The following RALB variants were observed in gnomAD, a reference collection of about 807,000 sequenced individuals.
The protein encoded by RALB is RAS like proto-oncogene B.
Under a neutral mutation model 21.3 loss-of-function variants are expected in RALB, and 16 were observed. That is an observed-to-expected ratio of 0.75 (90% CI 0.51 to 1.14). RALB has a LOEUF of 1.14. RALB is among the 50% of genes most tolerant of loss of function. RALB has a pLI of 0.00. For synonymous variants in RALB, 93 were observed against 96.1 expected (o/e 0.97, Z 0.19); for missense variants, 161 against 256.2 (o/e 0.63, Z 2.54).
intron 3 of RALB, among the ~76,000 whole-genome samples, chr2:120,288,930 A>G (rs571990799): frequency 6.6e-6 from 1 of 152,342 alleles, no homozygotes; most frequent in African/African-American, 2.4e-5. Context: ...TCGTGTACAC[A>G]TGCAGATCTA....
chr2:120,263,365 C>G (rs1689420747), intron 1 of RALB, among the ~76,000 whole-genome samples: 1 of 151,996 alleles, frequency 6.6e-6, no homozygotes, highest in African/African-American at 2.4e-5. Context: ...TGCCACGTTG[C>G]CCAGGCTGGT....
At chr2:120,253,481 AGTT>A (rs1333163141) in intron 1 of RALB, 8 of 985,650 alleles carry the variant, frequency 8.1e-6, no homozygotes, top group Non-Finnish European at 9.6e-6. Context: ...ATGAGCATAA[AGTT>A]GTTTCTCCCC....
At chr2:120,259,172 G>A (rs1689278909) in intron 1 of RALB, among the ~76,000 whole-genome samples, 1 of 152,212 alleles carries the variant, frequency 6.6e-6, no homozygotes, top group Non-Finnish European at 1.5e-5. Context: ...TTATTGCAAA[G>A]AGTGAAAGAA....
At chr2:120,245,132 TTGAC>T (rs1260912212) in intron 1 of RALB, among the ~76,000 whole-genome samples, 1 of 152,242 alleles carries the variant, frequency 6.6e-6, no homozygotes, top group Non-Finnish European at 1.5e-5. Flanking sequence ...CATGGGCTCG[TTGAC>T]TGACTGTCAC....
At chr2:120,252,598 G>GC (rs1689077904), upstream of RALB, among the ~76,000 whole-genome samples, 1 of 152,260 alleles carries the variant, frequency 6.6e-6, no homozygotes, top group South Asian at 2.1e-4. Context: ...GTTACCAGCT[G>GC]CGTGTCCGAG....
intron 2 of RALB, among the ~76,000 whole-genome samples, chr2:120,280,601 G>T (rs868019577): frequency 6.6e-6 from 1 of 151,998 alleles, no homozygotes; most frequent in Non-Finnish European, 1.5e-5. Context: ...CCTAATGCAT[G>T]TGGGGCTTAA....
intron 1 of RALB, among the ~76,000 whole-genome samples, chr2:120,274,200 T>G (rs1010779131): frequency 8.5e-5 from 13 of 152,296 alleles, no homozygotes; most frequent in Non-Finnish European, 1.5e-4. Context: ...GGAAACAGTG[T>G]GGACCAGAAA....
At chr2:120,293,115 T>G in intron 4 of RALB, 26 bp from the exon 5 acceptor site, 8 of 1,571,014 alleles carry the variant, frequency 5.1e-6, no homozygotes, top group Non-Finnish European at 6.9e-6. Flanking sequence ...TCACTATTCT[T>G]TTTACTCTTT....
At chr2:120,289,491 A>T (rs1393745246) in intron 3 of RALB, 89 bp from the exon 4 acceptor site, 5 of 1,333,624 alleles carry the variant, frequency 3.7e-6, no homozygotes, top group Non-Finnish European at 5.3e-6. Context: ...CTTCTGCCTT[A>T]GGAAAGCCTT....
chr2:120,259,059 G>T (rs1394175323), intron 1 of RALB, among the ~76,000 whole-genome samples: 2 of 152,086 alleles, frequency 1.3e-5, no homozygotes, highest in Admixed American at 1.3e-4. Flanking sequence ...CTCCCGGTGG[G>T]CTCGTGGTCT....
At chr2:120,287,611 G>A (rs1023681781) in intron 3 of RALB, among the ~76,000 whole-genome samples, 1 of 152,200 alleles carries the variant, frequency 6.6e-6, no homozygotes, top group Non-Finnish European at 1.5e-5. Flanking sequence ...GGGCAGGAGA[G>A]TTCTCTGCAG....
At chr2:120,255,343 TCTTC>T (rs1177737121) in intron 1 of RALB, among the ~76,000 whole-genome samples, 2 of 152,132 alleles carry the variant, frequency 1.3e-5, no homozygotes, top group Non-Finnish European at 2.9e-5. Context: ...GAAAAGGAAC[TCTTC>T]CTTCATCACA....
At chr2:120,242,793 T>A (rs1435275912) in intron 1 of RALB, among the ~76,000 whole-genome samples, 1 of 151,916 alleles carries the variant, frequency 6.6e-6, no homozygotes, top group East Asian at 1.9e-4. Context: ...AAAAATAAAG[T>A]GGCCTGGTGT....
chr2:120,277,226 A>G (rs929950472), intron 1 of RALB, among the ~76,000 whole-genome samples: 1 of 152,152 alleles, frequency 6.6e-6, no homozygotes, highest in Non-Finnish European at 1.5e-5. Context: ...TAAGAGTGTG[A>G]GAGCATATGT....
At position 120,280,040 on chromosome 2, in the gene RALB, A is replaced by G. The variant is rs568864894; in HGVS notation, c.114+1262A>G. Among the ~76,000 whole-genome samples the G allele has an allele frequency of 9.2e-5, 14 of 152,280 alleles. No individual in the cohort carries two copies. In the East Asian group the frequency reaches 1.7e-3, roughly 19 times the overall value. On this transcript the variant is annotated intron_variant, in intron 2 of 4. Coordinates refer to ENST00000272519, the MANE Select transcript of RALB (RefSeq NM_002881.3). The stretch of plus-strand genomic sequence containing the variant: ...CCGCCCACTGTGCTGACGTGCGAAC[A>G]TCGTGATGTGAGGTGCAGGGCCAGG...
intron 1 of RALB, among the ~76,000 whole-genome samples, chr2:120,246,105 G>C (rs1303665640): frequency 6.6e-6 from 1 of 152,222 alleles, no homozygotes; most frequent in African/African-American, 2.4e-5. Flanking sequence ...ATGCGGGGAA[G>C]GAATGGGGCT....
upstream of RALB, chr2:120,252,659 C>T (rs1295281274): frequency 2.2e-6 from 1 of 447,798 alleles, no homozygotes; most frequent in African/African-American, 2.1e-5. Context: ...GGGCCCGCCC[C>T]CCCGTGCCTG....
chr2:120,282,973 C>A lies in RALB; in HGVS notation c.115-2901C>A, dbSNP rs185154956. Among the ~76,000 whole-genome samples the A allele has an allele frequency of 6.9e-4, 105 of 151,932 alleles. 1 individual carries two copies. Among genetic ancestry groups the A allele is most frequent in the African/African-American group, 2.5e-3 (102 of 41,406 alleles). On this transcript the variant is annotated intron_variant, in intron 2 of 4. Coordinates refer to ENST00000272519, the MANE Select transcript of RALB (RefSeq NM_002881.3). ...ATTTTTTAGCTCGAAGAGACCTTAG[C>A]AGTAATTGTCAAACCTAGCTGATTA...
At chr2:120,282,968 C>T (rs1261349348) in intron 2 of RALB, among the ~76,000 whole-genome samples, 1 of 152,008 alleles carries the variant, frequency 6.6e-6, no homozygotes, top group Non-Finnish European at 1.5e-5. Context: ...TCGAAGAGAC[C>T]TTAGCAGTAA....
Sources: allele counts gnomAD v4.1 joint callset (sites outside exome capture counted in the v4.1 genomes callset), GRCh38; gene constraint gnomAD v4.1.1; transcripts MANE v1.5; gene names NCBI Gene and HGNC (gene_info 2026-07-23, HGNC 2026-07-21).